SYNPR: variants seen among roughly 807,000 people sequenced by gnomAD.
SYNPR encodes the protein synaptoporin.
SYNPR carries 23 observed loss-of-function variants against 32.9 expected under a neutral mutation model. The ratio of observed to expected loss-of-function variants is 0.70; its 90% CI spans 0.50 to 0.99. The LOEUF (loss-of-function observed/expected upper bound fraction) is 0.99, where lower values mean the gene tolerates loss of function less well. Among genes scored for constraint, SYNPR ranks in the 50% least tolerant of loss-of-function variants. SYNPR has a pLI of 0.00. For missense variants in SYNPR, 318 were observed against 349.3 expected (o/e 0.91, Z 0.71); for synonymous variants, 146 against 135.9 (o/e 1.07, Z -0.52).
Position 63,340,419 on chromosome 3 carries a change from A to ACTTTT in SYNPR, c.84+61677_84+61678insCTTTT, listed in dbSNP as rs1553870463. The stretch of plus-strand genomic sequence containing the variant: ...TTCTACCATTAATTAAAAAAAATGT[A>ACTTTT]TTTTTTTTTTTTTTTTTTGAGACGG... On this transcript the variant is annotated intron_variant, in intron 2 of 5. Coordinates refer to ENST00000478300, the MANE Select transcript of SYNPR (RefSeq NM_001130003.2). Among the ~76,000 whole-genome samples, 88 of 128,520 alleles carry ACTTTT rather than the reference A, an allele frequency of 6.8e-4. 8 individuals carry two copies. Among genetic ancestry groups the ACTTTT allele is most frequent in the African/African-American group, 1.1e-3 (37 of 34,390 alleles). The allele number at this position is 128,520 out of a possible 152,430, so 84.3% of individuals were successfully genotyped here. A position where few individuals can be genotyped will look rare whatever the true frequency, so the allele number is the denominator to read the frequency against.
intron 2 of SYNPR, among the ~76,000 whole-genome samples, chr3:63,431,272 G>A (rs896741449): frequency 1.3e-5 from 2 of 152,152 alleles, no homozygotes; most frequent in Non-Finnish European, 2.9e-5. Context: ...CAATAACATT[G>A]AATGACCTAG....
chr3:63,418,119 C>T (rs924552956), intron 2 of SYNPR, among the ~76,000 whole-genome samples: 6 of 152,172 alleles, frequency 3.9e-5, no homozygotes, highest in African/African-American at 1.4e-4. Context: ...TAACAGCATC[C>T]AAGTCACCTC....
chr3:63,344,646 G>C (rs1040209537), intron 2 of SYNPR, among the ~76,000 whole-genome samples: 2 of 148,638 alleles, frequency 1.3e-5, no homozygotes, highest in African/African-American at 5.0e-5. Context: ...TTGTGTAACT[G>C]CCTGGTGGGT....
chr3:63,608,775 C>A (rs1700157986), intron 4 of SYNPR, among the ~76,000 whole-genome samples: 1 of 152,164 alleles, frequency 6.6e-6, no homozygotes, highest in Non-Finnish European at 1.5e-5. Flanking sequence ...CTCAGACAAG[C>A]TATTCAACCA....
chr3:63,411,109 C>G (rs2088458888), intron 2 of SYNPR, among the ~76,000 whole-genome samples: 1 of 152,096 alleles, frequency 6.6e-6, no homozygotes, highest in Admixed American at 6.6e-5. Flanking sequence ...AAAACCTGAT[C>G]CGATGCAATG....
chr3:63,479,164 A>C (rs1323499382), intron 2 of SYNPR, among the ~76,000 whole-genome samples: 3 of 152,160 alleles, frequency 2.0e-5, no homozygotes, highest in Non-Finnish European at 4.4e-5. Flanking sequence ...GACTGCTTGG[A>C]TGTTGGCTCA....
intron 3 of SYNPR, among the ~76,000 whole-genome samples, chr3:63,551,665 C>A (rs1172793472): frequency 6.6e-6 from 1 of 152,120 alleles, no homozygotes; most frequent in Non-Finnish European, 1.5e-5. Context: ...TCTTTCTTAA[C>A]TTTTCATCTG....
At chr3:63,307,186 G>A (rs2086917424) in intron 2 of SYNPR, among the ~76,000 whole-genome samples, 1 of 151,922 alleles carries the variant, frequency 6.6e-6, no homozygotes, top group African/African-American at 2.4e-5. Context: ...TTACAGATGA[G>A]GAAATAGAGA....
chr3:63,278,255 A>G (rs2086594363), upstream of SYNPR: 1 of 421,972 alleles, frequency 2.4e-6, no homozygotes, highest in East Asian at 4.0e-5. Flanking sequence ...CCCTGGCTCC[A>G]TGGGTTTCCC....
intron 3 of SYNPR, among the ~76,000 whole-genome samples, chr3:63,544,094 C>T (rs1702355649): frequency 6.6e-6 from 1 of 152,000 alleles, no homozygotes; most frequent in Admixed American, 6.6e-5. Flanking sequence ...AGAGGAGTGG[C>T]ATGCTCTGAT....
chr3:63,218,057 C>A, the SYNPR span, among the ~76,000 whole-genome samples: 2 of 152,028 alleles, frequency 1.3e-5, no homozygotes, highest in African/African-American at 4.8e-5. Flanking sequence ...TCAAGGGCAA[C>A]GGGAGGTGGA....
intron 2 of SYNPR, among the ~76,000 whole-genome samples, chr3:63,351,951 A>G (rs2087515888): frequency 2.0e-5 from 3 of 152,200 alleles, no homozygotes; most frequent in African/African-American, 7.2e-5. Flanking sequence ...CTAAGATGCT[A>G]GGATCGGCAG....
At chr3:63,584,096 C>T (rs1009617110) in intron 4 of SYNPR, among the ~76,000 whole-genome samples, 2 of 151,982 alleles carry the variant, frequency 1.3e-5, no homozygotes, top group African/African-American at 2.4e-5. Context: ...GCTGTCCTGT[C>T]GGCATAGGCA....
chr3:63,256,250 T>C (rs765466731), intron 2 of SYNPR, among the ~76,000 whole-genome samples: 81 of 152,160 alleles, frequency 5.3e-4, no homozygotes, highest in Non-Finnish European at 9.4e-4. Flanking sequence ...GCTGGAGATA[T>C]CAGAACGGAC....
intron 2 of SYNPR, among the ~76,000 whole-genome samples, chr3:63,363,556 G>A (rs2087690320): frequency 6.6e-6 from 1 of 152,182 alleles, no homozygotes; most frequent in South Asian, 2.1e-4. Context: ...GTAGGTTTGG[G>A]TTGTTGCTCT....
At chr3:63,528,081 T>C (rs1042345280) in intron 3 of SYNPR, among the ~76,000 whole-genome samples, 37 of 152,288 alleles carry the variant, frequency 2.4e-4, no homozygotes, top group Middle Eastern at 3.4e-3. Context: ...AAAATCCCAC[T>C]TGGAAGATAA....
At chr3:63,398,226 T>A (rs1272961132) in intron 2 of SYNPR, among the ~76,000 whole-genome samples, 1 of 152,170 alleles carries the variant, frequency 6.6e-6, no homozygotes, top group Non-Finnish European at 1.5e-5. Context: ...AGTAACTGCA[T>A]AGATAGAGCG....
chr3:63,511,739 G>A lies in SYNPR; in HGVS notation c.209+30783G>A, dbSNP rs201315503. Among the ~76,000 whole-genome samples the A allele has an allele frequency of 9.9e-5, 15 of 152,096 alleles. No homozygotes were observed. The East Asian group carries it at 2.9e-3, about 29-fold the overall frequency. On this transcript the variant is annotated intron_variant, in intron 3 of 5. Coordinates refer to ENST00000478300, the MANE Select transcript of SYNPR (RefSeq NM_001130003.2). ...CCTAAGAAGAAACTTATAATTATTG[G>A]CTCTCAAGTGGACTCGTGCACTACT...
intron 3 of SYNPR, among the ~76,000 whole-genome samples, chr3:63,520,224 C>T (rs1701879857): frequency 6.6e-6 from 1 of 152,142 alleles, no homozygotes; most frequent in Non-Finnish European, 1.5e-5. Context: ...ACATTATAAA[C>T]AATGCTGCAA....
Sources: gnomAD v4.1 joint callset for allele counts (sites outside exome capture counted in the v4.1 genomes callset) on GRCh38, gnomAD v4.1.1 for gene constraint, MANE v1.5 for transcripts, NCBI Gene and HGNC (gene_info 2026-07-23, HGNC 2026-07-21) for gene names.